The following MAP9 variants were observed in gnomAD, a reference collection of about 807,000 sequenced individuals.
MAP9 encodes microtubule-associated protein 9.
MAP9 carries 80 observed loss-of-function variants against 75.2 expected under a neutral mutation model. That is an observed-to-expected ratio of 1.06 (90% CI 0.89 to 1.28). The LOEUF is 1.28. Among genes scored for constraint, MAP9 ranks in the 50% most tolerant of loss-of-function variants. MAP9 has a pLI of 0.00. For missense variants in MAP9, 753 were observed against 719.9 expected, an observed-to-expected ratio of 1.05 and a Z score of -0.53; for synonymous variants, 235 against 237.3, an observed-to-expected ratio of 0.99 and a Z score of 0.09.
In MAP9 at chr4:155,354,965, C is replaced by T. The variant is rs1731701163; in HGVS notation, c.1380+106G>A. 12 of 507,188 alleles carry T rather than the reference C, an allele frequency of 2.4e-5. No individual in the cohort carries two copies. The East Asian group carries it at 5.0e-4, about 21-fold the overall frequency. The allele number at this position is 507,188 out of a possible 1,614,324, so 31.4% of individuals were successfully genotyped here. ...AACCGGAAATCATTTCTTTAATATA[C>T]AAGTTATTTTGCCATTTAAAAAGCT... is the stretch of plus-strand genomic sequence containing the variant. On this transcript the variant is annotated intron_variant, in intron 10 of 13. Transcript: ENST00000311277.
At chr4:155,370,206 C>A (rs1732533088) in intron 4 of MAP9, among the ~76,000 whole-genome samples, 1 of 152,078 alleles carries the variant, frequency 6.6e-6, no homozygotes, top group Non-Finnish European at 1.5e-5. Flanking sequence ...CCAAATATCT[C>A]ATTTATTCCA....
At chr4:155,374,130 G>A (rs1399289331) in intron 3 of MAP9, among the ~76,000 whole-genome samples, 1 of 152,096 alleles carries the variant, frequency 6.6e-6, no homozygotes, top group African/African-American at 2.4e-5. Context: ...CACAAGGTCA[G>A]GAGTTCGAGA....
intron 9 of MAP9, 48 bp from the exon 10 acceptor site, chr4:155,355,208 G>A: frequency 1.7e-6 from 1 of 599,354 alleles, no homozygotes; most frequent in Non-Finnish European, 2.7e-6. Context: ...TTTCTTAAGT[G>A]AATTAGAATT....
At position 155,347,884 on chromosome 4, in the gene MAP9, T is replaced by C. The variant is rs1578827487; in HGVS notation, c.1843A>G (p.Arg615Gly). Reference protein sequence around the residue: ...KWLENKEKQERIERKQKKRHS... With the variant: ...KWLENKEKQEGIERKQKKRHS... ...CGTTTCTTCTGTTTTCGTTCAATTC[T>C]TTCTTGTTTTTCCTTATTTTCCTAA... Residue 615 changes from arginine (R) to glycine (G), a missense_variant, in exon 14 of 14, where the codon AGA becomes GGA. Physicochemically the swap from Arg to Gly is moderately radical, Grantham distance 125. Transcript: ENST00000311277. 6.5e-7 allele frequency: 1 copy of C among 1,545,026 alleles called. No homozygotes were observed. The highest frequency in any genetic ancestry group is 8.9e-7 in the Non-Finnish European group (1 of 1,127,528).
At position 155,344,319 on chromosome 4, in the gene MAP9, C is replaced by T. The variant is rs968205541; in HGVS notation, c.*3464G>A. The T allele has an allele frequency of 3.3e-5, 5 of 151,826 alleles. No homozygotes were observed. The highest frequency in any genetic ancestry group is 9.7e-5 in the African/African-American group (4 of 41,390). The allele number at this position is 151,826 out of a possible 1,614,324, so 9.4% of individuals were successfully genotyped here. A position where few individuals can be genotyped will look rare whatever the true frequency, so the allele number is the denominator to read the frequency against. Reference sequence around the variant, plus strand: ...TCAAAAGTTAGTGTGAAAGTTTTATCAATATCGAAATTGTGGAATGGTGAG... The same window carrying T: ...TCAAAAGTTAGTGTGAAAGTTTTATTAATATCGAAATTGTGGAATGGTGAG... On this transcript the variant is annotated 3_prime_UTR_variant, in exon 14 of 14. Coordinates refer to ENST00000311277, the MANE Select transcript of MAP9 (RefSeq NM_001039580.2).
At chr4:155,355,522 T>C (rs947595454) in intron 9 of MAP9, among the ~76,000 whole-genome samples, 194 bp downstream of exon 9, 12 of 152,154 alleles carry the variant, frequency 7.9e-5, no homozygotes, top group African/African-American at 2.7e-4. Context: ...AAAACAACTA[T>C]GGTCAGTTAT....
Position 155,345,385 on chromosome 4 carries a change from ATACT to A in MAP9, c.*2394_*2397del, listed in dbSNP as rs1388165476. On this transcript the variant is annotated 3_prime_UTR_variant, in exon 14 of 14. Coordinates refer to ENST00000311277, the MANE Select transcript of MAP9 (RefSeq NM_001039580.2). ...CCTCAGAAGCAATCCTAAGAAATTA[ATACT>A]TACTTAGCTTTCTTTTTAGGAAGGC... is the stretch of plus-strand genomic sequence containing the variant. The A allele has an allele frequency of 1.3e-5, 2 of 152,224 alleles. No homozygotes were observed. Among genetic ancestry groups the A allele is most frequent in the Non-Finnish European group, 2.9e-5 (2 of 67,976 alleles). 9.4% of individuals were successfully genotyped at this position (152,224 alleles called of 1,614,324 possible).
At position 155,359,210 on chromosome 4, in the gene MAP9, TACACACACACACAC is replaced by T. The variant is rs56261222; in HGVS notation, c.1050+944_1050+957del. Among the ~76,000 whole-genome samples the T allele has an allele frequency of 4.1e-5, 6 of 145,580 alleles. No homozygotes were observed. The South Asian group carries it at 6.6e-4, about 16-fold the overall frequency. On this transcript the variant is annotated intron_variant, in intron 7 of 13. Transcript: ENST00000311277. ...TATGATTGTATAAAGAAAATGTGTA[TACACACACACACAC>T]ACACACACACACACACACACACAGG...
rs1179367558 is a variant in MAP9, at chr4:155,344,994, T to C, written c.*2789A>G. ...GTCTATATACTTTTAATGTCCTTAA[T>C]TTGAATTAAACATTCCCTTATAATA... On this transcript the variant is annotated 3_prime_UTR_variant, in exon 14 of 14. Coordinates refer to ENST00000311277, the MANE Select transcript of MAP9 (RefSeq NM_001039580.2). 6.6e-6 allele frequency: 1 copy of C among 152,002 alleles called. No homozygotes were observed. Among genetic ancestry groups the C allele is most frequent in the East Asian group, 1.9e-4 (1 of 5,196 alleles). The allele number at this position is 152,002 out of a possible 1,614,324, so 9.4% of individuals were successfully genotyped here. A position where few individuals can be genotyped will look rare whatever the true frequency, so the allele number is the denominator to read the frequency against.
chr4:155,374,492 C>T (rs1732748235), intron 3 of MAP9, among the ~76,000 whole-genome samples: 1 of 152,076 alleles, frequency 6.6e-6, no homozygotes, highest in South Asian at 2.1e-4. Flanking sequence ...TTTAAATTTA[C>T]CCCTTATCAC....
At chr4:155,374,530 G>T (rs1305793611) in intron 3 of MAP9, among the ~76,000 whole-genome samples, 2 of 152,086 alleles carry the variant, frequency 1.3e-5, no homozygotes, top group Admixed American at 6.5e-5. Flanking sequence ...TTTATAGCAA[G>T]CTTTATAAAA....
At position 155,344,919 on chromosome 4, in the gene MAP9, ATTCT is replaced by A. The variant is rs1223737086; in HGVS notation, c.*2860_*2863del. 5.9e-5 allele frequency: 9 copies of A among 151,972 alleles called. No individual in the cohort carries two copies. Among genetic ancestry groups the A allele is most frequent in the African/African-American group, 1.9e-4 (8 of 41,440 alleles). 9.4% of individuals were successfully genotyped at this position (151,972 alleles called of 1,614,324 possible). On this transcript the variant is annotated 3_prime_UTR_variant, in exon 14 of 14. Transcript: ENST00000311277. ...GTTTTCTTTACTTTGAGATCTCTGC[ATTCT>A]TTAAGTGATCAACGCAATTTATAAA...
At chr4:155,352,863 G>GTGTTAC in intron 12 of MAP9, 49 bp downstream of exon 12, 1 of 1,439,808 alleles carries the variant, frequency 6.9e-7, no homozygotes, top group Non-Finnish European at 9.4e-7. Flanking sequence ...AAATCCTGAA[G>GTGTTAC]TGTTACTATA....
At chr4:155,352,501 C>A in intron 13 of MAP9, 95 bp downstream of exon 13, 3 of 1,206,828 alleles carry the variant, frequency 2.5e-6, no homozygotes, top group Non-Finnish European at 1.2e-6. Context: ...TAGAAATGAT[C>A]AGTAGGTCTG....
Position 155,347,657 on chromosome 4 carries a change from G to T in MAP9, c.*126C>A. The T allele has an allele frequency of 2.2e-6, 2 of 902,532 alleles. No individual in the cohort carries two copies. The highest frequency in any genetic ancestry group is 3.2e-6 in the Non-Finnish European group (2 of 633,682). 55.9% of individuals were successfully genotyped at this position (902,532 alleles called of 1,614,324 possible). On this transcript the variant is annotated 3_prime_UTR_variant, in exon 14 of 14. Transcript: ENST00000311277. The stretch of plus-strand genomic sequence containing the variant: ...TACATTCCAAAGTATTTCTTTCATT[G>T]TCAGCAGGAGTGTCTGGCATTTAAT...
intron 5 of MAP9, chr4:155,362,853 C>G (rs1327170870): frequency 6.6e-6 from 1 of 152,122 alleles, no homozygotes; most frequent in Non-Finnish European, 1.5e-5. Context: ...ATGTCAAAAG[C>G]AATGGAGAGA....
Position 155,352,959 on chromosome 4 carries a change from TTCC to T in MAP9, c.1638_1640del (p.Glu547del). The T allele has an allele frequency of 1.3e-6, 2 of 1,542,234 alleles. No homozygotes were observed. Among genetic ancestry groups the T allele is most frequent in the South Asian group, 1.2e-5 (1 of 82,462 alleles). ...TATCTTTCTTTTTCTCGGCAACAGT[TTCC>T]TCCTCTTTCTGTTTCTTTGCTCTTT... On this transcript the variant is annotated inframe_deletion, in exon 12 of 14. Transcript: ENST00000311277.
At chr4:155,360,970 T>C (rs17377596) in intron 6 of MAP9, 9,968 of 152,710 alleles carry the variant, frequency 0.065, 397 homozygotes, top group Middle Eastern at 0.13. Flanking sequence ...GACAAGCCTA[T>C]TGCTTATCCT....
chr4:155,352,513 A>G lies in MAP9; in HGVS notation c.1821+83T>C, dbSNP rs1303968337. The G allele has an allele frequency of 1.2e-5, 16 of 1,386,450 alleles. No homozygotes were observed. The East Asian group carries it at 2.9e-4, about 25-fold the overall frequency. The allele number at this position is 1,386,450 out of a possible 1,614,324, so 85.9% of individuals were successfully genotyped here. A position where few individuals can be genotyped will look rare whatever the true frequency, so the allele number is the denominator to read the frequency against. Reference sequence around the variant, plus strand: ...AGGTAGAAATGATCAGTAGGTCTGGAGCAAATAGAATTAGAATTAGGGACA... The same window carrying G: ...AGGTAGAAATGATCAGTAGGTCTGGGGCAAATAGAATTAGAATTAGGGACA... On this transcript the variant is annotated intron_variant, in intron 13 of 13. Coordinates refer to ENST00000311277, the MANE Select transcript of MAP9 (RefSeq NM_001039580.2).
Sources: allele counts gnomAD v4.1 joint callset (sites outside exome capture counted in the v4.1 genomes callset), GRCh38; gene constraint gnomAD v4.1.1; transcripts MANE v1.5; gene names NCBI Gene and HGNC (gene_info 2026-07-23, HGNC 2026-07-21).